The following RARB variants were observed in gnomAD, a reference collection of about 807,000 sequenced individuals.
RARB encodes the protein HBV-activated protein.
A neutral mutation model predicts 51.9 loss-of-function variants in RARB; 17 were observed. That is an observed-to-expected ratio of 0.33 (90% CI 0.22 to 0.49). RARB has a LOEUF of 0.49. Ranked by LOEUF, RARB falls within the 20% of genes least tolerant of loss-of-function variation. The pLI is 0.99. For synonymous variants in RARB, 215 were observed against 195.4 expected (o/e 1.10, Z -0.84); for missense variants, 369 against 550.8 (o/e 0.67, Z 3.30).
At chr3:25,546,307 A>G (rs147921277) in intron 3 of RARB, among the ~76,000 whole-genome samples, 500 of 152,300 alleles carry the variant, frequency 3.3e-3, no homozygotes, top group Non-Finnish European at 5.4e-3. Context: ...AGAGTGCCAC[A>G]CTGGGGTGAA....
At chr3:25,166,488 A>G (rs1044693083) in intron 4 of RARB, among the ~76,000 whole-genome samples, 14 of 152,204 alleles carry the variant, frequency 9.2e-5, no homozygotes, top group African/African-American at 3.4e-4. Context: ...GGCAATATAT[A>G]TGTAGTGTCT....
At chr3:25,187,119 G>T (rs1386322342) in intron 5 of RARB, among the ~76,000 whole-genome samples, 1 of 151,956 alleles carries the variant, frequency 6.6e-6, no homozygotes, top group Non-Finnish European at 1.5e-5. Context: ...TTATTGGGAG[G>T]GAACCTCTCA....
intron 2 of RARB, among the ~76,000 whole-genome samples, chr3:24,861,802 T>C (rs927052568): frequency 1.3e-5 from 2 of 152,088 alleles, no homozygotes; most frequent in African/African-American, 4.8e-5. Flanking sequence ...AGGATGAGCG[T>C]GAAAAAGACA....
intron 2 of RARB, among the ~76,000 whole-genome samples, chr3:25,031,905 C>A (rs1697884089): frequency 6.6e-6 from 1 of 152,168 alleles, no homozygotes; most frequent in Non-Finnish European, 1.5e-5. Flanking sequence ...ATAGAATCCA[C>A]ATCAGGAAAA....
chr3:25,581,926 T>A (rs1408886565), intron 5 of RARB, among the ~76,000 whole-genome samples: 1 of 152,148 alleles, frequency 6.6e-6, no homozygotes, highest in Non-Finnish European at 1.5e-5. Context: ...GCCAGGTCTC[T>A]GTTACAGTAG....
intron 2 of RARB, among the ~76,000 whole-genome samples, chr3:25,486,280 C>T (rs753457304): frequency 7.9e-5 from 12 of 152,072 alleles, no homozygotes; most frequent in Non-Finnish European, 1.3e-4. Context: ...AATATCAGTG[C>T]TAGAAGGCAT....
intron 5 of RARB, among the ~76,000 whole-genome samples, chr3:25,179,569 G>A (rs1309100710): frequency 1.3e-5 from 2 of 152,104 alleles, no homozygotes; most frequent in East Asian, 1.9e-4. Flanking sequence ...ATGAAAGTAA[G>A]ACACTTCTTG....
At chr3:25,496,373 G>T (rs908750038) in intron 2 of RARB, among the ~76,000 whole-genome samples, 1 of 152,144 alleles carries the variant, frequency 6.6e-6, no homozygotes, top group Non-Finnish European at 1.5e-5. Flanking sequence ...AGTTCCAGGG[G>T]TGTCATATTT....
chr3:25,109,690 T>A (rs1699567100), intron 3 of RARB, among the ~76,000 whole-genome samples: 1 of 152,176 alleles, frequency 6.6e-6, no homozygotes, highest in South Asian at 2.1e-4. Context: ...AGAGACCAAC[T>A]GGGAGGCAGG....
chr3:25,016,656 C>G, intron 2 of RARB, among the ~76,000 whole-genome samples: 1 of 152,254 alleles, frequency 6.6e-6, no homozygotes, highest in East Asian at 1.9e-4. Flanking sequence ...TCTGGGGGAA[C>G]GTAATTTCCA....
chr3:25,559,150 A>G (rs971922577), intron 3 of RARB, among the ~76,000 whole-genome samples: 4 of 151,900 alleles, frequency 2.6e-5, no homozygotes, highest in Non-Finnish European at 5.9e-5. Flanking sequence ...CGTTTTTCCA[A>G]CCCTCAGGCC....
At chr3:25,199,950 G>T (rs1049942991) in intron 5 of RARB, among the ~76,000 whole-genome samples, 1 of 152,006 alleles carries the variant, frequency 6.6e-6, no homozygotes, top group Non-Finnish European at 1.5e-5. Flanking sequence ...TAATCCTTTG[G>T]GTATACGCCC....
chr3:25,356,703 C>G (rs2125460887), intron 5 of RARB, among the ~76,000 whole-genome samples: 1 of 152,168 alleles, frequency 6.6e-6, no homozygotes, highest in African/African-American at 2.4e-5. Context: ...TATGATGTTT[C>G]CCTCCCTGGG....
chr3:24,899,013 G>A (rs1222901408), intron 2 of RARB, among the ~76,000 whole-genome samples: 2 of 152,204 alleles, frequency 1.3e-5, no homozygotes, highest in East Asian at 3.9e-4. Flanking sequence ...ACTCAAGGTT[G>A]TCAAAGTGTG....
At chr3:24,837,903 G>A (rs1702364476) in intron 1 of RARB, among the ~76,000 whole-genome samples, 1 of 152,174 alleles carries the variant, frequency 6.6e-6, no homozygotes. Flanking sequence ...AAAATTCGTG[G>A]CTGAAAACAT....
intron 1 of RARB, among the ~76,000 whole-genome samples, chr3:24,835,493 G>A (rs887594551): frequency 6.6e-6 from 1 of 152,170 alleles, no homozygotes; most frequent in Non-Finnish European, 1.5e-5. Context: ...TGAGTGCTCT[G>A]TATGTGCCAG....
chr3:24,892,878 A>G (rs1306323387), intron 2 of RARB, among the ~76,000 whole-genome samples: 1 of 152,204 alleles, frequency 6.6e-6, no homozygotes, highest in Admixed American at 6.5e-5. Context: ...TGAGTAGTTA[A>G]CCTGCCTGCC....
intron 5 of RARB, among the ~76,000 whole-genome samples, chr3:25,340,327 A>G (rs1244977737): frequency 6.6e-6 from 1 of 152,160 alleles, no homozygotes; most frequent in East Asian, 1.9e-4. Flanking sequence ...TTCTGCCTCC[A>G]TGGAATGTAA....
chr3:25,191,301 G>C (rs577949560), intron 5 of RARB, among the ~76,000 whole-genome samples: 1 of 152,166 alleles, frequency 6.6e-6, no homozygotes, highest in Non-Finnish European at 1.5e-5. Flanking sequence ...GCTCCCCTTA[G>C]AATCCATCTT....
Sources: gnomAD v4.1 joint callset for allele counts (sites outside exome capture counted in the v4.1 genomes callset) on GRCh38, gnomAD v4.1.1 for gene constraint, MANE v1.5 for transcripts, NCBI Gene and HGNC (gene_info 2026-07-23, HGNC 2026-07-21) for gene names.